XKR4: variants seen among roughly 807,000 people sequenced by gnomAD.
XKR4 encodes XK related 4.
In XKR4, 12 loss-of-function variants were observed where a neutral mutation model predicts 53.9. The ratio of observed to expected loss-of-function variants is 0.22; its 90% CI spans 0.14 to 0.36. The LOEUF is 0.36. Among genes scored for constraint, XKR4 ranks in the 10% least tolerant of loss-of-function variants. XKR4 has a pLI of 1.00. For synonymous variants in XKR4, 354 were observed against 362.4 expected (o/e 0.98, Z 0.26); for missense variants, 799 against 859.5 (o/e 0.93, Z 0.88).
In XKR4 at chr8:55,523,620, A is replaced by G; in HGVS notation, c.1346A>G (p.Lys449Arg). 1 of 1,614,180 alleles carries G rather than the reference A, an allele frequency of 6.2e-7. No individual in the cohort carries two copies. Among genetic ancestry groups the G allele is most frequent in the Non-Finnish European group, 8.5e-7 (1 of 1,180,022 alleles). Reference sequence around the variant, plus strand: ...TATATCTTCAGTTGGTTCAATGTCAAGGAAGGCAGGACACGCTGCAGGCTA... The same window carrying G: ...TATATCTTCAGTTGGTTCAATGTCAGGGAAGGCAGGACACGCTGCAGGCTA... Reference protein sequence around the residue: ...IIYIFSWFNVKEGRTRCRLFI... With the variant: ...IIYIFSWFNVREGRTRCRLFI... Residue 449 changes from lysine to arginine, a missense_variant, in exon 3 of 3, where the codon AAG (lysine) becomes AGG (arginine). Physicochemically the swap from Lys to Arg is conservative, Grantham distance 26. This residue lies in a region of XKR4 where 269 missense variants were observed against 264.4 expected (regional missense o/e 1.02). Transcript: ENST00000327381.
At chr8:55,349,773 G>A (rs1430887200) in intron 1 of XKR4, among the ~76,000 whole-genome samples, 1 of 152,078 alleles carries the variant, frequency 6.6e-6, no homozygotes, top group Admixed American at 6.6e-5. Context: ...ATACATAAGG[G>A]TTTAAGAAAA....
chr8:55,146,357 G>T (rs891394078), intron 1 of XKR4, among the ~76,000 whole-genome samples: 1 of 152,130 alleles, frequency 6.6e-6, no homozygotes, highest in Non-Finnish European at 1.5e-5. Flanking sequence ...CTTTCTAAAA[G>T]AATGTTCTTA....
intron 1 of XKR4, among the ~76,000 whole-genome samples, chr8:55,109,913 G>T (rs1038617459): frequency 1.3e-5 from 2 of 152,146 alleles, no homozygotes; most frequent in African/African-American, 4.8e-5. Flanking sequence ...TATTTTATAT[G>T]TTACAGTTTG....
intron 1 of XKR4, chr8:55,142,125 C>G (rs1235420298): frequency 2.2e-6 from 1 of 456,098 alleles, no homozygotes; most frequent in East Asian, 6.9e-5. Flanking sequence ...CTCCCTACCT[C>G]CATTCTTTCC....
chr8:55,123,977 C>T (rs1321725171), intron 1 of XKR4, among the ~76,000 whole-genome samples: 1 of 152,172 alleles, frequency 6.6e-6, no homozygotes, highest in Non-Finnish European at 1.5e-5. Flanking sequence ...TCACCATAAA[C>T]TGTTTTTAGG....
rs1432402194 is a variant in XKR4, at chr8:55,293,649, T to C, written c.807-64029T>C. Among the ~76,000 whole-genome samples, 4 of 152,166 alleles carry C rather than the reference T, an allele frequency of 2.6e-5. 1 individual carries two copies. Among genetic ancestry groups the C allele is most frequent in the Admixed American group, 2.6e-4 (4 of 15,280 alleles). On this transcript the variant is annotated intron_variant, in intron 1 of 2. Coordinates refer to ENST00000327381, the MANE Select transcript of XKR4 (RefSeq NM_052898.2). ...TTTTAGTAAAATTGCAGATATTCTA[T>C]CAGGAAGAAACTGTAAAAGCTTTAC... is the stretch of plus-strand genomic sequence containing the variant.
chr8:55,512,998 C>A (rs1806652126), intron 2 of XKR4, among the ~76,000 whole-genome samples: 1 of 152,184 alleles, frequency 6.6e-6, no homozygotes, highest in Non-Finnish European at 1.5e-5. Flanking sequence ...CACACCAGCA[C>A]CGCCTCTACT....
chr8:55,388,046 A>T (rs189106249), intron 2 of XKR4, among the ~76,000 whole-genome samples: 3 of 152,326 alleles, frequency 2.0e-5, no homozygotes, highest in Non-Finnish European at 2.9e-5. Context: ...GTAATTTTTT[A>T]AAAAATAATT....
chr8:55,213,259 T>C (rs994669622), intron 1 of XKR4, among the ~76,000 whole-genome samples: 12 of 152,044 alleles, frequency 7.9e-5, no homozygotes, highest in Non-Finnish European at 1.2e-4. Flanking sequence ...GAAGCATAAT[T>C]TGGTGGGTAG....
rs189204676 is a variant in XKR4 at position 55,243,762 on chromosome 8, A to G, written c.807-113916A>G. On this transcript the variant is annotated intron_variant, in intron 1 of 2. Transcript: ENST00000327381. ...TGTAAGGCTCTAGAGAGAAGTAGGC[A>G]AAGTCCAGGCCCTGCAGTCAAAAAA... is the stretch of plus-strand genomic sequence containing the variant. Among the ~76,000 whole-genome samples, 17 of 152,332 alleles carry G rather than the reference A, an allele frequency of 1.1e-4. 1 individual carries two copies. In the East Asian group the frequency reaches 3.3e-3, roughly 29 times the overall value.
chr8:55,293,794 A>C (rs1236547849), intron 1 of XKR4, among the ~76,000 whole-genome samples: 1 of 152,198 alleles, frequency 6.6e-6, no homozygotes, highest in African/African-American at 2.4e-5. Context: ...TTGAGCTTAC[A>C]ATATTGATTT....
intron 1 of XKR4, among the ~76,000 whole-genome samples, chr8:55,235,054 A>C (rs1266397267): frequency 6.6e-6 from 1 of 152,220 alleles, no homozygotes; most frequent in Non-Finnish European, 1.5e-5. Flanking sequence ...CAGAAGTATA[A>C]AATGAAGGAT....
chr8:55,258,996 C>T (rs766465264), intron 1 of XKR4, among the ~76,000 whole-genome samples: 4 of 152,214 alleles, frequency 2.6e-5, no homozygotes, highest in Admixed American at 6.5e-5. Context: ...TTTCAGGACA[C>T]AGAAGAAAGA....
At chr8:55,467,450 C>T (rs760892855) in intron 2 of XKR4, among the ~76,000 whole-genome samples, 2 of 152,168 alleles carry the variant, frequency 1.3e-5, no homozygotes, top group Non-Finnish European at 2.9e-5. Context: ...GTCTCTCCCT[C>T]ACTCAAGGGG....
chr8:55,360,873 C>G (rs968842028), intron 2 of XKR4, among the ~76,000 whole-genome samples: 7 of 152,230 alleles, frequency 4.6e-5, no homozygotes, highest in African/African-American at 1.7e-4. Context: ...GTCACTCAGT[C>G]AGAGGAGCCT....
chr8:55,216,018 A>G (rs549443764), intron 1 of XKR4, among the ~76,000 whole-genome samples: 23 of 152,384 alleles, frequency 1.5e-4, no homozygotes, highest in African/African-American at 2.4e-4. Context: ...ATCTAAACAC[A>G]TAAGTTACTA....
intron 1 of XKR4, among the ~76,000 whole-genome samples, chr8:55,204,195 CA>C (rs989516088): frequency 3.6e-4 from 55 of 152,094 alleles, no homozygotes; most frequent in African/African-American, 1.3e-3. Flanking sequence ...TTTGTAGAGA[CA>C]GTTCTCGCAA....
At chr8:55,427,802 T>A (rs76477270) in intron 2 of XKR4, among the ~76,000 whole-genome samples, 2,435 of 152,296 alleles carry the variant, frequency 0.016, 72 homozygotes, top group African/African-American at 0.055. Context: ...TTTGTTTATT[T>A]ATCCAACAAA....
intron 2 of XKR4, among the ~76,000 whole-genome samples, chr8:55,358,472 A>T (rs1218702630): frequency 6.6e-6 from 1 of 152,218 alleles, no homozygotes; most frequent in Non-Finnish European, 1.5e-5. Context: ...GGATATTATT[A>T]TCAGATTAAT....
Sources: gnomAD v4.1 joint callset for allele counts (sites outside exome capture counted in the v4.1 genomes callset) on GRCh38, gnomAD v4.1.1 for gene constraint, gnomAD v4.1.1 regional missense constraint, MANE v1.5 for transcripts, NCBI Gene and HGNC (gene_info 2026-07-23, HGNC 2026-07-21) for gene names.